Variants in DPP10 observed in about 807,000 individuals in gnomAD.
DPP10 encodes inactive dipeptidyl peptidase 10.
DPP10 carries 33 observed loss-of-function variants against 120.9 expected under a neutral mutation model. That is an observed-to-expected ratio of 0.27 (90% CI 0.21 to 0.37). DPP10 has a LOEUF of 0.37. Ranked by LOEUF, DPP10 falls within the 10% of genes least tolerant of loss-of-function variation. DPP10 has a pLI of 1.00. For missense variants in DPP10, 816 were observed against 942.8 expected (o/e 0.87, Z 1.76); for synonymous variants, 337 against 326.1 (o/e 1.03, Z -0.36).
intron 10 of DPP10, 38 bp downstream of exon 10, chr2:115,746,221 T>C: frequency 1.4e-6 from 2 of 1,472,856 alleles, no homozygotes; most frequent in South Asian, 1.2e-5. Context: ...GGGAAATAGA[T>C]ATTTTCACTC....
intron 17 of DPP10, among the ~76,000 whole-genome samples, chr2:115,790,776 C>T (rs1165680508): frequency 1.3e-5 from 2 of 152,108 alleles, no homozygotes; most frequent in African/African-American, 2.4e-5. Context: ...TATTGTGAAT[C>T]GCATCTCATT....
At chr2:115,332,790 C>T (rs1183280705) in intron 2 of DPP10, among the ~76,000 whole-genome samples, 2 of 152,116 alleles carry the variant, frequency 1.3e-5, no homozygotes. Flanking sequence ...GTCTGAGAGA[C>T]AGTTTTTTAT....
At chr2:115,792,468 C>G (rs555384342) in intron 19 of DPP10, among the ~76,000 whole-genome samples, 352 of 151,848 alleles carry the variant, frequency 2.3e-3, no homozygotes, top group Non-Finnish European at 4.3e-3. Context: ...ATTTAATTTT[C>G]TCTCTCACTC....
Position 115,344,908 on chromosome 2 carries a change from C to T in DPP10, c.271+996C>T, listed in dbSNP as rs189356528. Among the ~76,000 whole-genome samples, 706 of 152,216 alleles carry T rather than the reference C, an allele frequency of 4.6e-3. 6 individuals are homozygous for T. Among genetic ancestry groups the T allele is most frequent in the African/African-American group, 0.015 (633 of 41,542 alleles). On this transcript the variant is annotated intron_variant, in intron 3 of 25. Coordinates refer to ENST00000410059, the MANE Select transcript of DPP10 (RefSeq NM_020868.6). Reference sequence around the variant, plus strand: ...TTTTCATATAATAAAGATCATCATACTTACAGTCCATTCCTTCCTCTCTCT... The same window carrying T: ...TTTTCATATAATAAAGATCATCATATTTACAGTCCATTCCTTCCTCTCTCT...
At chr2:114,849,609 C>T (rs1289786427) in intron 1 of DPP10, among the ~76,000 whole-genome samples, 1 of 152,126 alleles carries the variant, frequency 6.6e-6, no homozygotes, top group East Asian at 1.9e-4. Context: ...ACTTTGGCGT[C>T]CCAAAGTGCT....
intron 1 of DPP10, among the ~76,000 whole-genome samples, chr2:115,067,697 A>AT (rs1707010575): frequency 1.3e-5 from 2 of 148,258 alleles, no homozygotes; most frequent in South Asian, 2.1e-4. Context: ...CCCCGTCTCT[A>AT]CTAAAAATAC....
intron 3 of DPP10, among the ~76,000 whole-genome samples, chr2:115,495,501 G>T (rs1276319646): frequency 6.6e-6 from 1 of 151,986 alleles, no homozygotes; most frequent in Non-Finnish European, 1.5e-5. Flanking sequence ...TAAGGTGGAT[G>T]CAGAAGTCTC....
chr2:114,815,320 G>A (rs1685534338), intron 1 of DPP10, among the ~76,000 whole-genome samples: 1 of 152,230 alleles, frequency 6.6e-6, no homozygotes, highest in Non-Finnish European at 1.5e-5. Context: ...TCTGAAGAAT[G>A]CCCAGCATTG....
At chr2:115,140,985 T>A (rs1419028196) in intron 1 of DPP10, among the ~76,000 whole-genome samples, 2 of 148,120 alleles carry the variant, frequency 1.4e-5, no homozygotes, top group African/African-American at 5.0e-5. Flanking sequence ...GATTACCAGA[T>A]AGGCCTAAAA....
intron 22 of DPP10, 39 bp downstream of exon 22, chr2:115,836,295 G>T (rs759789058): frequency 1.7e-5 from 27 of 1,553,476 alleles, no homozygotes; most frequent in Non-Finnish European, 2.2e-5. Context: ...ATAATGTATT[G>T]ATTTGTAGAA....
chr2:114,916,723 T>C (rs2106636012), intron 1 of DPP10, among the ~76,000 whole-genome samples: 1 of 152,288 alleles, frequency 6.6e-6, no homozygotes, highest in Non-Finnish European at 1.5e-5. Flanking sequence ...AAAAACCACA[T>C]GATTATCTCA....
At chr2:115,755,518 A>C (rs568723050) in intron 11 of DPP10, among the ~76,000 whole-genome samples, 57 of 152,222 alleles carry the variant, frequency 3.7e-4, no homozygotes, top group African/African-American at 1.3e-3. Context: ...TTCAACTCAA[A>C]ATGAATTAAA....
intron 5 of DPP10, among the ~76,000 whole-genome samples, chr2:115,587,582 C>G (rs969957678): frequency 1.3e-5 from 2 of 152,136 alleles, no homozygotes; most frequent in African/African-American, 4.8e-5. Context: ...CCCCCATGTT[C>G]TTTGCAATCT....
intron 7 of DPP10, among the ~76,000 whole-genome samples, chr2:115,699,515 T>C (rs932313818): frequency 3.3e-5 from 5 of 152,276 alleles, no homozygotes; most frequent in Non-Finnish European, 7.4e-5. Context: ...GGCAAGAGAA[T>C]TGCTTGAACC....
chr2:115,462,835 C>T (rs1053705604), intron 3 of DPP10, among the ~76,000 whole-genome samples: 1 of 151,950 alleles, frequency 6.6e-6, no homozygotes, highest in African/African-American at 2.4e-5. Context: ...GCTCAAGCAA[C>T]CCTCCCACCT....
chr2:114,489,518 C>G (rs1232300442), intron 1 of DPP10, among the ~76,000 whole-genome samples: 2 of 152,228 alleles, frequency 1.3e-5, no homozygotes, highest in African/African-American at 4.8e-5. Flanking sequence ...TAATTGCTAA[C>G]ATCATCTCCC....
intron 1 of DPP10, among the ~76,000 whole-genome samples, chr2:114,765,338 A>G (rs1680616012): frequency 6.6e-6 from 1 of 152,190 alleles, no homozygotes; most frequent in Non-Finnish European, 1.5e-5. Context: ...TTTCTGAGCA[A>G]AAGCTGTCTA....
intron 1 of DPP10, among the ~76,000 whole-genome samples, chr2:114,948,473 G>A (rs1391827764): frequency 6.6e-6 from 1 of 151,954 alleles, no homozygotes; most frequent in Non-Finnish European, 1.5e-5. Context: ...ATTGTCTCTG[G>A]GAGGTCACAG....
intron 1 of DPP10, among the ~76,000 whole-genome samples, chr2:115,220,827 T>C (rs997715908): frequency 6.6e-6 from 1 of 151,942 alleles, no homozygotes; most frequent in Non-Finnish European, 1.5e-5. Flanking sequence ...CTGCACTACA[T>C]AGCTCACAGA....
Sources: gnomAD v4.1 joint callset for allele counts (sites outside exome capture counted in the v4.1 genomes callset) on GRCh38, gnomAD v4.1.1 for gene constraint, MANE v1.5 for transcripts, NCBI Gene and HGNC (gene_info 2026-07-23, HGNC 2026-07-21) for gene names.